Variants in SCAF8 observed in about 807,000 individuals in gnomAD.
The protein encoded by SCAF8 is SR-related CTD associated factor 8.
In SCAF8, 23 loss-of-function variants were observed where a neutral mutation model predicts 140.5. The ratio of observed to expected loss-of-function variants is 0.16; its 90% confidence interval spans 0.12 to 0.23. The LOEUF (loss-of-function observed/expected upper bound fraction) is 0.23, where lower values mean the gene tolerates loss of function less well. Among genes scored for constraint, SCAF8 ranks in the 10% least tolerant of loss-of-function variants. SCAF8 has a pLI of 1.00. For synonymous variants in SCAF8, 575 were observed against 528.9 expected, an observed-to-expected ratio of 1.09 and a Z score of -1.20; for missense variants, 1,397 against 1,555.7, an observed-to-expected ratio of 0.90 and a Z score of 1.72.
intron 6 of SCAF8, among the ~76,000 whole-genome samples, chr6:154,800,474 A>G (rs1777740862): frequency 6.6e-6 from 1 of 151,578 alleles, no homozygotes; most frequent in Non-Finnish European, 1.5e-5. Flanking sequence ...GGCTGTGAAA[A>G]CTATAAATGG....
At chr6:154,790,691 T>C (rs1254649240) in intron 4 of SCAF8, among the ~76,000 whole-genome samples, 1 of 151,916 alleles carries the variant, frequency 6.6e-6, no homozygotes, top group East Asian at 1.9e-4. Context: ...TTTGTATTTT[T>C]AGTAGAGACT....
chr6:154,748,987 G>C (rs1778774798), intron 1 of SCAF8, among the ~76,000 whole-genome samples: 1 of 152,172 alleles, frequency 6.6e-6, no homozygotes, highest in African/African-American at 2.4e-5. Flanking sequence ...TGTCGCCCAG[G>C]CTGGAGTGCA....
Position 154,832,689 on chromosome 6 carries a change from A to T in SCAF8, c.3110A>T (p.Asp1037Val). ...ISRPPPVDVR[D>V]VVGRPIDPRE... is the part of the protein sequence containing the mutation. ...AGACCTCCCCCTGTGGATGTTAGAGATGTGGTTGGGCGGCCTATAGATCCA... is the reference window on the plus strand; with the variant it reads ...AGACCTCCCCCTGTGGATGTTAGAGTTGTGGTTGGGCGGCCTATAGATCCA... Residue 1037 changes from aspartate to valine, a missense_variant, in exon 20 of 20, where the codon GAT (aspartate) becomes GTT (valine). Physicochemically the swap from Asp to Val is radical, Grantham distance 152. Transcript: ENST00000367178. 6.2e-7 allele frequency: 1 copy of T among 1,614,002 alleles called. No individual in the cohort carries two copies. Among genetic ancestry groups the T allele is most frequent in the Admixed American group, 1.7e-5 (1 of 59,980 alleles).
chr6:154,820,517 A>T (rs17085683), intron 15 of SCAF8, among the ~76,000 whole-genome samples, 184 bp downstream of exon 15: 2,249 of 152,312 alleles, frequency 0.015, 56 homozygotes, highest in African/African-American at 0.051. Context: ...ATGTCAAAGT[A>T]TAGATTAGAA....
intron 14 of SCAF8, among the ~76,000 whole-genome samples, chr6:154,819,721 A>G (rs767022584): frequency 2.6e-5 from 4 of 152,200 alleles, no homozygotes; most frequent in Non-Finnish European, 5.9e-5. Context: ...GAAATCCTTT[A>G]TTGTAAATAC....
At chr6:154,747,896 C>CTATGTGTGTGTGTGTG (rs3221130) in intron 1 of SCAF8, among the ~76,000 whole-genome samples, 3 of 144,642 alleles carry the variant, frequency 2.1e-5, no homozygotes, top group African/African-American at 7.6e-5. Flanking sequence ...CATTTCATTT[C>CTATGTGTGTGTGTGTG]TGTGTGTGTG....
intron 18 of SCAF8, 45 bp from the exon 19 acceptor site, chr6:154,830,877 A>G: frequency 1.4e-6 from 2 of 1,460,714 alleles, no homozygotes; most frequent in Admixed American, 3.4e-5. Flanking sequence ...TAGCACATGA[A>G]TTGACTCATT....
chr6:154,832,980 G>T lies in SCAF8; in HGVS notation c.3401G>T (p.Ser1134Ile). ...RSGNYRFDPR[S>I]GPWNRGFGQE... is the part of the protein sequence containing the mutation. ...GGAAACTATCGATTTGATCCTAGAAGTGGTCCTTGGAACCGAGGATTTGGA... is the reference window on the plus strand; with the variant it reads ...GGAAACTATCGATTTGATCCTAGAATTGGTCCTTGGAACCGAGGATTTGGA... The change falls in exon 20 of 20, where the codon AGT (serine) becomes ATT (isoleucine). Residue 1134 changes from serine to isoleucine, a missense_variant. By Grantham distance (142) the Ser-to-Ile change is moderately radical. Transcript: ENST00000367178. The T allele has an allele frequency of 6.2e-7, 1 of 1,614,136 alleles. No homozygotes were observed. Among genetic ancestry groups the T allele is most frequent in the South Asian group, 1.1e-5 (1 of 91,080 alleles).
chr6:154,756,239 A>C (rs991950217), intron 1 of SCAF8, among the ~76,000 whole-genome samples: 1 of 152,248 alleles, frequency 6.6e-6, no homozygotes, highest in Non-Finnish European at 1.5e-5. Flanking sequence ...CTCCGTCACC[A>C]ATAGTTAAGT....
intron 3 of SCAF8, among the ~76,000 whole-genome samples, chr6:154,782,580 A>G (rs1777116589): frequency 1.3e-5 from 2 of 152,166 alleles, no homozygotes; most frequent in South Asian, 2.1e-4. Flanking sequence ...ATATGTGTAT[A>G]TATACACACA....
chr6:154,761,503 A>G (rs941501963), intron 1 of SCAF8, among the ~76,000 whole-genome samples: 4 of 152,228 alleles, frequency 2.6e-5, no homozygotes, highest in African/African-American at 9.6e-5. Flanking sequence ...CAAACAAAAC[A>G]AAACAAAACC....
chr6:154,774,188 A>C, intron 2 of SCAF8, 116 bp downstream of exon 2: 2 of 707,842 alleles, frequency 2.8e-6, no homozygotes, highest in East Asian at 2.7e-5. Flanking sequence ...GTGTTAACAC[A>C]TATTGTGGAA....
chr6:154,755,372 G>A (rs1171772485), intron 1 of SCAF8, among the ~76,000 whole-genome samples: 1 of 152,038 alleles, frequency 6.6e-6, no homozygotes, highest in African/African-American at 2.4e-5. Flanking sequence ...TCGTGTCTCA[G>A]CCTCCCGAGT....
intron 1 of SCAF8, among the ~76,000 whole-genome samples, chr6:154,771,150 A>G (rs148203359): frequency 1.0e-3 from 159 of 152,348 alleles, no homozygotes; most frequent in African/African-American, 3.7e-3. Flanking sequence ...AAAATCAAGT[A>G]TTAGTTAAAT....
chr6:154,792,695 G>T, intron 4 of SCAF8, 128 bp from the exon 5 acceptor site: 3 of 578,148 alleles, frequency 5.2e-6, no homozygotes, highest in Middle Eastern at 4.3e-4. Flanking sequence ...AGAATTTTAG[G>T]GCTAGAAAGT....
intron 9 of SCAF8, among the ~76,000 whole-genome samples, chr6:154,807,642 G>C (rs889811104): frequency 1.3e-5 from 2 of 152,200 alleles, no homozygotes; most frequent in African/African-American, 4.8e-5. Flanking sequence ...GCCTCCCAAA[G>C]TACTGGGATT....
intron 8 of SCAF8, 53 bp downstream of exon 8, chr6:154,803,676 C>A: frequency 1.9e-6 from 2 of 1,071,398 alleles, no homozygotes; most frequent in South Asian, 1.3e-5. Context: ...TGGGATGTTG[C>A]CATCTGAATT....
At chr6:154,753,733 A>G (rs963253110) in intron 1 of SCAF8, among the ~76,000 whole-genome samples, 6 of 152,250 alleles carry the variant, frequency 3.9e-5, no homozygotes, top group African/African-American at 1.4e-4. Context: ...AAGGTGGCCT[A>G]CCAGCCGTTT....
At chr6:154,774,134 G>A (rs1224669159) in intron 2 of SCAF8, 62 bp downstream of exon 2, 3 of 1,073,272 alleles carry the variant, frequency 2.8e-6, no homozygotes, top group East Asian at 2.4e-5. Context: ...AGTTTGGATG[G>A]GGGATAATTT....
Sources: gnomAD v4.1 joint callset for allele counts (sites outside exome capture counted in the v4.1 genomes callset) on GRCh38, gnomAD v4.1.1 for gene constraint, MANE v1.5 for transcripts, NCBI Gene and HGNC (gene_info 2026-07-23, HGNC 2026-07-21) for gene names.